POLB: variants seen among roughly 807,000 people sequenced by gnomAD.
The protein encoded by POLB is DNA polymerase beta.
A neutral mutation model predicts 52.7 loss-of-function variants in POLB; 37 were observed. The ratio of observed to expected loss-of-function variants is 0.70; its 90% confidence interval spans 0.54 to 0.92. The LOEUF is 0.92. Among genes scored for constraint, POLB ranks in the 40% least tolerant of loss-of-function variants. POLB has a pLI of 0.00. For missense variants in POLB, 313 were observed against 400.8 expected, an observed-to-expected ratio of 0.78 and a Z score of 1.87; for synonymous variants, 138 against 131.3, an observed-to-expected ratio of 1.05 and a Z score of -0.35.
At position 42,341,918 on chromosome 8, in the gene POLB, A is replaced by G. The variant is rs182670041; in HGVS notation, c.119+2849A>G. ...CTTTTCATAGACTGGATTCTCTCCT[A>G]TAGCAGCATGAGCTTTCATCTCCTT... On this transcript the variant is annotated intron_variant, in intron 2 of 13. Coordinates refer to ENST00000265421, the MANE Select transcript of POLB (RefSeq NM_002690.3). 91 of 660,492 alleles carry G rather than the reference A, an allele frequency of 1.4e-4. No individual in the cohort carries two copies. In the East Asian group the frequency reaches 2.5e-3, roughly 18 times the overall value. The allele number at this position is 660,492 out of a possible 1,614,324, so 40.9% of individuals were successfully genotyped here.
chr8:42,346,283 T>G (rs1377497766), intron 3 of POLB, among the ~76,000 whole-genome samples: 1 of 152,214 alleles, frequency 6.6e-6, no homozygotes, highest in Non-Finnish European at 1.5e-5. Context: ...TCTTTACCTA[T>G]TAATGTTTCA....
At chr8:42,357,080 G>T (rs1823359726) in intron 7 of POLB, 89 bp from the exon 8 acceptor site, 1 of 721,130 alleles carries the variant, frequency 1.4e-6, no homozygotes, top group Non-Finnish European at 2.4e-6. Context: ...TGCTGGTATG[G>T]CACGGACAAT....
chr8:42,363,192 G>A (rs11993638), intron 11 of POLB, among the ~76,000 whole-genome samples: 13,721 of 150,888 alleles, frequency 0.091, 1,173 homozygotes, highest in African/African-American at 0.23. Context: ...GAATATTTTA[G>A]GAAAGAATTT....
At chr8:42,362,852 C>T (rs1463163284) in intron 11 of POLB, among the ~76,000 whole-genome samples, 154 bp downstream of exon 11, 3 of 152,196 alleles carry the variant, frequency 2.0e-5, no homozygotes, top group East Asian at 3.9e-4. Flanking sequence ...GGGCCGGGCG[C>T]GGTGGCTCAC....
chr8:42,353,761 A>C (rs767576542), intron 6 of POLB, among the ~76,000 whole-genome samples: 1 of 152,134 alleles, frequency 6.6e-6, no homozygotes, highest in South Asian at 2.1e-4. Flanking sequence ...TCCCACCTCC[A>C]CTACTTTATT....
chr8:42,348,911 A>T (rs1437118526), intron 3 of POLB, 105 bp from the exon 4 acceptor site: 7 of 588,106 alleles, frequency 1.2e-5, no homozygotes, highest in Non-Finnish European at 2.1e-5. Flanking sequence ...AAACCTTATC[A>T]CATGGTATTC....
At chr8:42,344,177 T>C (rs969314825) in intron 2 of POLB, among the ~76,000 whole-genome samples, 12 of 145,538 alleles carry the variant, frequency 8.2e-5, no homozygotes, top group African/African-American at 2.8e-4. Context: ...GGAGTGGTGG[T>C]TCACGCCTGT....
chr8:42,354,517 T>C, intron 6 of POLB: 1 of 1,188,380 alleles, frequency 8.4e-7, no homozygotes, highest in South Asian at 1.3e-5. Context: ...AGTTAAAAAA[T>C]GCAGGTACAG....
In POLB at chr8:42,338,661, G is replaced by T. The variant is rs758560481; in HGVS notation, c.37G>T (p.Gly13Trp). 9 of 1,614,130 alleles carry T rather than the reference G, an allele frequency of 5.6e-6. No homozygotes were observed. Among genetic ancestry groups the T allele is most frequent in the Admixed American group, 1.7e-5 (1 of 60,030 alleles). ...GAAGGCGCCGCAGGAGACTCTCAAC[G>T]GGGGAATCACCGACATGCTCACAGG... ...KRKAPQETLN[G>W]GITDMLTELA... Residue 13 changes from glycine to tryptophan, a missense_variant, in exon 1 of 14, where the codon GGG becomes TGG. Physicochemically the swap from Gly to Trp is radical, Grantham distance 184. Coordinates refer to ENST00000265421, the MANE Select transcript of POLB (RefSeq NM_002690.3).
intron 6 of POLB, among the ~76,000 whole-genome samples, chr8:42,353,183 T>TG (rs1409611877): frequency 5.3e-5 from 8 of 150,702 alleles, no homozygotes; most frequent in African/African-American, 1.9e-4. Flanking sequence ...TCTTTTTTTT[T>TG]TTTTTTGCTC....
At chr8:42,340,457 C>T (rs1173117099) in intron 2 of POLB, among the ~76,000 whole-genome samples, 2 of 152,166 alleles carry the variant, frequency 1.3e-5, no homozygotes, top group East Asian at 1.9e-4. Context: ...TTGTATCTCC[C>T]ATATCCCTAA....
At chr8:42,370,571 G>A (rs1240274000) in intron 13 of POLB, among the ~76,000 whole-genome samples, 1 of 151,886 alleles carries the variant, frequency 6.6e-6, no homozygotes, top group Non-Finnish European at 1.5e-5. Flanking sequence ...GACTAGGGCA[G>A]TGCTTCTCAC....
Position 42,370,269 on chromosome 8 carries a change from T to TG in POLB, c.913+281_913+282insG, listed in dbSNP as rs1435633562. 54 of 405,188 alleles carry TG rather than the reference T, an allele frequency of 1.3e-4. No individual in the cohort carries two copies. In the African/African-American group the frequency reaches 2.0e-3, roughly 15 times the overall value. The allele number at this position is 405,188 out of a possible 1,614,324, so 25.1% of individuals were successfully genotyped here. A position where few individuals can be genotyped will look rare whatever the true frequency, so the allele number is the denominator to read the frequency against. On this transcript the variant is annotated intron_variant, in intron 13 of 13. Transcript: ENST00000265421. ...TATTCATCTAAAAGGGTTTTTTTTT[T>TG]TTTTTTTTTTTTTTTGCTGTTGTTT...
At chr8:42,354,163 G>A (rs1056246630) in intron 6 of POLB, among the ~76,000 whole-genome samples, 1 of 152,126 alleles carries the variant, frequency 6.6e-6, no homozygotes, top group Admixed American at 6.6e-5. Flanking sequence ...TCACACATAA[G>A]GAATACAACT....
rs1822287778 is a variant in POLB, at chr8:42,342,759, C to T, written c.120-2194C>T. ...TCTGTAATCCCACCACTTTGGGATG[C>T]CAAGGCGGGTGGATGGCATGAACCC... On this transcript the variant is annotated intron_variant, in intron 2 of 13. Coordinates refer to ENST00000265421, the MANE Select transcript of POLB (RefSeq NM_002690.3). 8 of 328,790 alleles carry T rather than the reference C, an allele frequency of 2.4e-5. No homozygotes were observed. In the South Asian group the frequency reaches 2.7e-4, roughly 11 times the overall value. 20.4% of individuals were successfully genotyped at this position (328,790 alleles called of 1,614,324 possible). A position where few individuals can be genotyped will look rare whatever the true frequency, so the allele number is the denominator to read the frequency against.
At chr8:42,341,857 A>G in intron 2 of POLB, 1 of 588,912 alleles carries the variant, frequency 1.7e-6, no homozygotes. Flanking sequence ...ACATTTTGGG[A>G]TGGTTCCACC....
In POLB at chr8:42,369,333, C is replaced by G. The variant is rs369871704; in HGVS notation, c.771C>G (p.Ile257Met). Residue 257 changes from isoleucine to methionine, a missense_variant and splice_region_variant, in exon 12 of 14, where the codon ATC becomes ATG. Ile to Met is a conservative substitution (Grantham distance 10). Transcript: ENST00000265421. ...AATATCCACACAGAAGAATTGATAT[C>G]AGGTATTGTTCAGACTTTGTTGCTG... ...EKEYPHRRID[I>M]RLIPKDQYYC... 4 of 1,561,474 alleles carry G rather than the reference C, an allele frequency of 2.6e-6. No homozygotes were observed. The African/African-American group carries it at 5.4e-5, about 21-fold the overall frequency.
chr8:42,359,333 A>C (rs1006601921), intron 9 of POLB, among the ~76,000 whole-genome samples: 1 of 151,908 alleles, frequency 6.6e-6, no homozygotes, highest in Non-Finnish European at 1.5e-5. Context: ...AGATTTTTCC[A>C]TATCAATATA....
intron 11 of POLB, among the ~76,000 whole-genome samples, chr8:42,364,995 G>A (rs531909933): frequency 6.6e-6 from 1 of 152,226 alleles, no homozygotes; most frequent in East Asian, 1.9e-4. Flanking sequence ...GCTAAGGTGG[G>A]AGAATGGCTT....
Sources: allele counts gnomAD v4.1 joint callset (sites outside exome capture counted in the v4.1 genomes callset), GRCh38; gene constraint gnomAD v4.1.1; transcripts MANE v1.5; gene names NCBI Gene and HGNC (gene_info 2026-07-23, HGNC 2026-07-21).